The following UBR2 variants were observed in gnomAD, a reference collection of about 807,000 sequenced individuals.
UBR2 encodes ubiquitin protein ligase E3 component n-recognin 2.
Under a neutral mutation model 247.9 loss-of-function variants are expected in UBR2, and 92 were observed. That is an observed-to-expected ratio of 0.37 (90% CI 0.31 to 0.44). The LOEUF (loss-of-function observed/expected upper bound fraction) is 0.44, where lower values mean the gene tolerates loss of function less well. Among genes scored for constraint, UBR2 ranks in the 20% least tolerant of loss-of-function variants. The probability of loss-of-function intolerance (pLI) is 1.00; values close to 1 mark genes in which losing one functional copy is unlikely to be tolerated. For synonymous variants in UBR2, 672 were observed against 693.5 expected (o/e 0.97, Z 0.49); for missense variants, 1,613 against 2,112.6 (o/e 0.76, Z 4.64).
chr6:42,576,302 C>G (rs1388784988), intron 2 of UBR2, among the ~76,000 whole-genome samples: 3 of 152,088 alleles, frequency 2.0e-5, no homozygotes, highest in Non-Finnish European at 4.4e-5. Flanking sequence ...CTTCTGTTCC[C>G]ATCTAAGGTT....
At position 42,564,237 on chromosome 6, in the gene UBR2, GGGTGGCAGTCGAGGCCGCCGGGGCCGA is replaced by G; in HGVS notation, c.-78_-52del. ...CTCCGGGACTGATTGCCTGGGGCAG[GGGTGGCAGTCGAGGCCGCCGGGGCCGA>G]GGTGAGGCTGCAGCTCTCCGGGCGG... On this transcript the variant is annotated 5_prime_UTR_variant, in exon 1 of 47. Coordinates refer to ENST00000372901, the MANE Select transcript of UBR2 (RefSeq NM_001363705.2). The G allele has an allele frequency of 2.0e-6, 3 of 1,497,168 alleles. No individual in the cohort carries two copies. Among genetic ancestry groups the G allele is most frequent in the Admixed American group, 4.0e-5 (2 of 49,498 alleles). 92.7% of individuals were successfully genotyped at this position (1,497,168 alleles called of 1,614,324 possible). A position where few individuals can be genotyped will look rare whatever the true frequency, so the allele number is the denominator to read the frequency against.
intron 4 of UBR2, among the ~76,000 whole-genome samples, chr6:42,601,276 G>A (rs1228053639): frequency 6.6e-6 from 1 of 152,086 alleles, no homozygotes; most frequent in Non-Finnish European, 1.5e-5. Context: ...ACCTACTCTT[G>A]TTTGAATCCC....
chr6:42,583,197 C>A (rs908530359), intron 2 of UBR2, among the ~76,000 whole-genome samples: 21 of 152,138 alleles, frequency 1.4e-4, no homozygotes, highest in African/African-American at 5.1e-4. Flanking sequence ...TCCAGTAAAT[C>A]TCTGCCTTCT....
chr6:42,601,170 T>C (rs1793333212), intron 4 of UBR2, among the ~76,000 whole-genome samples: 1 of 152,136 alleles, frequency 6.6e-6, no homozygotes, highest in African/African-American at 2.4e-5. Context: ...CTGTAAGAAA[T>C]GGAATGACTG....
intron 2 of UBR2, among the ~76,000 whole-genome samples, chr6:42,576,884 A>C (rs1012601624): frequency 6.6e-6 from 1 of 152,046 alleles, no homozygotes; most frequent in South Asian, 2.1e-4. Context: ...AGTTTTTCTT[A>C]TTTGTGGGGG....
intron 11 of UBR2, among the ~76,000 whole-genome samples, chr6:42,622,911 C>G (rs1795092624): frequency 6.6e-6 from 1 of 151,432 alleles, no homozygotes; most frequent in Non-Finnish European, 1.5e-5. Flanking sequence ...AAGCTATCAT[C>G]CTGCCTCAGC....
At chr6:42,652,679 GTATTT>G in intron 25 of UBR2, 34 bp downstream of exon 25, 1 of 1,562,912 alleles carries the variant, frequency 6.4e-7, no homozygotes, top group Non-Finnish European at 8.6e-7. Context: ...TTATATTTTA[GTATTT>G]TATAGTACAA....
At chr6:42,589,582 T>A (rs866606756) in intron 2 of UBR2, among the ~76,000 whole-genome samples, 3 of 152,206 alleles carry the variant, frequency 2.0e-5, no homozygotes, top group South Asian at 4.1e-4. Flanking sequence ...GCTAGTATAA[T>A]TTCTTCCTTA....
In UBR2 at chr6:42,689,511, A is replaced by T. The variant is rs1156989827; in HGVS notation, c.5025-58A>T. 6.1e-6 allele frequency: 9 copies of T among 1,470,190 alleles called. No homozygotes were observed. The highest frequency in any genetic ancestry group is 8.6e-6 in the Non-Finnish European group (9 of 1,049,490). The allele number at this position is 1,470,190 out of a possible 1,614,324, so 91.1% of individuals were successfully genotyped here. On this transcript the variant is annotated intron_variant, in intron 45 of 46. Transcript: ENST00000372901. This position sits in a 1 kb window ranked among gnomAD's most constrained non-coding sequence, Gnocchi z 4.0. ...TAAGACTTCATTCTATTTGGAACTGAATACAAATGTTGGTTACTAATGTGT... is the reference window on the plus strand; with the variant it reads ...TAAGACTTCATTCTATTTGGAACTGTATACAAATGTTGGTTACTAATGTGT...
At chr6:42,614,920 A>C in intron 8 of UBR2, 151 bp from the exon 9 acceptor site, 1 of 551,138 alleles carries the variant, frequency 1.8e-6, no homozygotes, top group Non-Finnish European at 3.0e-6. Context: ...TAAAATATTA[A>C]TAAAACAGTT....
chr6:42,676,931 A>G, intron 40 of UBR2, 58 bp downstream of exon 40: 1 of 1,377,150 alleles, frequency 7.3e-7, no homozygotes, highest in African/African-American at 1.4e-5. Flanking sequence ...TGATGATAGC[A>G]TGAGAAAGGA....
chr6:42,623,174 A>G (rs1795109602), intron 11 of UBR2, among the ~76,000 whole-genome samples: 1 of 152,082 alleles, frequency 6.6e-6, no homozygotes, highest in African/African-American at 2.4e-5. Context: ...CAGGGGGAAA[A>G]CTTTTAATAT....
chr6:42,670,251 T>C lies in UBR2; in HGVS notation c.4030+11T>C. 6.2e-7 allele frequency: 1 copy of C among 1,610,750 alleles called. No homozygotes were observed. The highest frequency in any genetic ancestry group is 8.5e-7 in the Non-Finnish European group (1 of 1,177,352). On this transcript the variant is annotated intron_variant, in intron 35 of 46. Transcript: ENST00000372901. ...CCATCCAAAGCATAGGTAAGAGATT[T>C]ACAGCTGTTTCTCTATAAGTCACAA...
At chr6:42,610,911 T>A (rs1794027579) in intron 7 of UBR2, among the ~76,000 whole-genome samples, 1 of 151,188 alleles carries the variant, frequency 6.6e-6, no homozygotes, top group African/African-American at 2.4e-5. Flanking sequence ...AATGGCGCGA[T>A]CTCAGCTCAC....
intron 44 of UBR2, among the ~76,000 whole-genome samples, chr6:42,686,572 T>C (rs899036529): frequency 6.6e-6 from 1 of 152,234 alleles, no homozygotes; most frequent in South Asian, 2.1e-4. Context: ...CATCACGGCC[T>C]GTTGTCAATG....
chr6:42,606,770 A>G (rs1793730903), intron 7 of UBR2, 119 bp downstream of exon 7: 1 of 785,078 alleles, frequency 1.3e-6, no homozygotes, highest in Admixed American at 3.2e-5. Context: ...ATTATGTTTA[A>G]AGATAATGTT....
intron 4 of UBR2, among the ~76,000 whole-genome samples, chr6:42,598,065 A>G (rs1283741269): frequency 6.6e-6 from 1 of 152,224 alleles, no homozygotes; most frequent in Non-Finnish European, 1.5e-5. Flanking sequence ...ACCTGGTGAT[A>G]TAGAAATGCT....
Position 42,632,839 on chromosome 6 carries a change from G to C in UBR2, c.1480G>C (p.Asp494His), listed in dbSNP as rs139222400. The C allele has an allele frequency of 6.8e-6, 11 of 1,606,916 alleles. No individual in the cohort carries two copies. In the African/African-American group the frequency reaches 1.5e-4, roughly 22 times the overall value. The change falls in exon 13 of 47, where the codon GAT (aspartate) becomes CAT (histidine). Residue 494 changes from aspartate to histidine, a missense_variant. By Grantham distance (81) the Asp-to-His change is moderately conservative. This residue lies in a region of UBR2 where 1,524 missense variants were observed against 1,967.3 expected (regional missense o/e 0.77). Transcript: ENST00000372901. Reference sequence around the variant, plus strand: ...AATTAGCAAACCAACTGAATGGTCAGATGAGCTGAGGCAGAAGTTCCTAGA... The same window carrying C: ...AATTAGCAAACCAACTGAATGGTCACATGAGCTGAGGCAGAAGTTCCTAGA... ...VLISKPTEWS[D>H]ELRQKFLEGF... is the part of the protein sequence containing the mutation.
At chr6:42,595,500 C>A (rs949124337) in intron 4 of UBR2, among the ~76,000 whole-genome samples, 1 of 152,146 alleles carries the variant, frequency 6.6e-6, no homozygotes, top group Non-Finnish European at 1.5e-5. Context: ...AATACCAATA[C>A]TTTGGGAAGC....
Sources: allele counts gnomAD v4.1 joint callset (sites outside exome capture counted in the v4.1 genomes callset), GRCh38; gene constraint gnomAD v4.1.1; regional missense constraint gnomAD v4.1.1; non-coding constraint Gnocchi (gnomAD v3.1); transcripts MANE v1.5; gene names NCBI Gene and HGNC (gene_info 2026-07-23, HGNC 2026-07-21).